The following NALF1 variants were observed in gnomAD, a reference collection of about 807,000 sequenced individuals.
NALF1 encodes NALCN channel auxiliary factor 1.
In NALF1, 3 loss-of-function variants were observed where a neutral mutation model predicts 48.4. That is an observed-to-expected ratio of 0.06 (90% CI 0.03 to 0.16). The LOEUF is 0.16. Among genes scored for constraint, NALF1 ranks in the 10% least tolerant of loss-of-function variants. NALF1 has a pLI of 1.00. For synonymous variants in NALF1, 262 were observed against 245.7 expected (o/e 1.07, Z -0.62); for missense variants, 526 against 571.5 (o/e 0.92, Z 0.81).
At chr13:107,285,574 A>C (rs892323769) in intron 1 of NALF1, among the ~76,000 whole-genome samples, 3 of 152,206 alleles carry the variant, frequency 2.0e-5, no homozygotes, top group Admixed American at 6.5e-5. Flanking sequence ...ATGAGTGCAA[A>C]CCATATATGT....
At chr13:107,361,249 A>C (rs1566495409) in intron 1 of NALF1, among the ~76,000 whole-genome samples, 1 of 152,192 alleles carries the variant, frequency 6.6e-6, no homozygotes, top group Non-Finnish European at 1.5e-5. Flanking sequence ...GGAAATGACT[A>C]TGGAAGGAAG....
At chr13:107,678,502 C>T (rs780897769) in intron 1 of NALF1, among the ~76,000 whole-genome samples, 14 of 152,180 alleles carry the variant, frequency 9.2e-5, no homozygotes, top group East Asian at 1.9e-4. Context: ...GGGACAAATC[C>T]GAATCTCTGT....
chr13:107,761,615 G>A (rs559174684), intron 1 of NALF1, among the ~76,000 whole-genome samples: 26 of 152,266 alleles, frequency 1.7e-4, no homozygotes, highest in Admixed American at 5.9e-4. Context: ...TAGGAATTAC[G>A]GTAATTCCAA....
At chr13:107,511,533 A>G (rs1875892138) in intron 1 of NALF1, among the ~76,000 whole-genome samples, 1 of 152,190 alleles carries the variant, frequency 6.6e-6, no homozygotes, top group Non-Finnish European at 1.5e-5. Context: ...ATAATATTTA[A>G]CAAGTCTGCT....
intron 1 of NALF1, among the ~76,000 whole-genome samples, chr13:107,823,175 G>T (rs1433206711): frequency 6.6e-6 from 1 of 152,156 alleles, no homozygotes; most frequent in African/African-American, 2.4e-5. Context: ...CTCCTCATTT[G>T]TCTGGCAAAC....
At chr13:107,587,043 C>T (rs766063318) in intron 1 of NALF1, among the ~76,000 whole-genome samples, 12 of 152,116 alleles carry the variant, frequency 7.9e-5, no homozygotes, top group Admixed American at 7.2e-4. Flanking sequence ...CCTTTACTCA[C>T]GAGTATCTGA....
chr13:107,231,278 A>C (rs1452755773), intron 1 of NALF1, among the ~76,000 whole-genome samples: 5 of 152,144 alleles, frequency 3.3e-5, no homozygotes, highest in African/African-American at 9.7e-5. Context: ...CTTTTAAATA[A>C]AAAACTTCGT....
intron 1 of NALF1, among the ~76,000 whole-genome samples, chr13:107,614,978 T>A (rs962856604): frequency 3.9e-5 from 6 of 152,046 alleles, no homozygotes; most frequent in African/African-American, 1.5e-4. Context: ...GGTTTCACCA[T>A]GTTGGCCAGG....
intron 1 of NALF1, among the ~76,000 whole-genome samples, chr13:107,754,378 CACACACACACACACACACA>C (rs1877029245): frequency 6.6e-6 from 1 of 151,442 alleles, no homozygotes; most frequent in South Asian, 2.1e-4. Flanking sequence ...CACACACACA[CACACACACACACACACACA>C]CCATATATGG....
intron 1 of NALF1, among the ~76,000 whole-genome samples, chr13:107,632,421 T>A (rs1186831370): frequency 6.6e-6 from 1 of 152,060 alleles, no homozygotes; most frequent in Non-Finnish European, 1.5e-5. Flanking sequence ...CTTTATAATT[T>A]TTTTCCTACT....
intron 1 of NALF1, among the ~76,000 whole-genome samples, chr13:107,309,197 A>T (rs905307259): frequency 1.3e-5 from 2 of 152,238 alleles, no homozygotes; most frequent in Non-Finnish European, 2.9e-5. Flanking sequence ...GGATGAATAA[A>T]CAATTCAACA....
In NALF1 at chr13:107,451,113, C is replaced by T. The variant is rs77513188; in HGVS notation, c.916-240358G>A. The stretch of plus-strand genomic sequence containing the variant: ...ACTGTGCTCCACTGAGTCGACCCCA[C>T]GTGTCCAGCAAAAGCCGGGTCAGAG... On this transcript the variant is annotated intron_variant, in intron 1 of 2. Transcript: ENST00000375915. 6.7e-3 allele frequency among the ~76,000 whole-genome samples: 1,022 copies of T among 152,264 alleles called. 34 individuals are homozygous for T. The East Asian group carries it at 0.1, about 15-fold the overall frequency.
At chr13:107,527,675 T>TG (rs1876490414) in intron 1 of NALF1, among the ~76,000 whole-genome samples, 1 of 152,028 alleles carries the variant, frequency 6.6e-6, no homozygotes, top group African/African-American at 2.4e-5. Context: ...AATTGAATCA[T>TG]GGGGGTGGTT....
chr13:107,619,623 A>T (rs1207301569), intron 1 of NALF1, among the ~76,000 whole-genome samples: 1 of 152,208 alleles, frequency 6.6e-6, no homozygotes, highest in East Asian at 1.9e-4. Flanking sequence ...TAAAGACTGT[A>T]AAAAGCATCA....
intron 1 of NALF1, among the ~76,000 whole-genome samples, chr13:107,586,524 G>A (rs565217436): frequency 1.3e-5 from 2 of 150,556 alleles, no homozygotes; most frequent in South Asian, 4.2e-4. Context: ...ATAAATCATT[G>A]TATTTATCTA....
At chr13:107,523,770 T>C (rs536844426) in intron 1 of NALF1, among the ~76,000 whole-genome samples, 7 of 152,178 alleles carry the variant, frequency 4.6e-5, no homozygotes, top group South Asian at 2.1e-4. Context: ...ATTATTTTGG[T>C]TTGAATTTTA....
At chr13:107,560,152 T>C (rs996733138) in intron 1 of NALF1, among the ~76,000 whole-genome samples, 5 of 152,200 alleles carry the variant, frequency 3.3e-5, no homozygotes, top group African/African-American at 1.2e-4. Flanking sequence ...GAAACGCCCG[T>C]AGAATTTTCA....
chr13:107,275,512 G>A (rs913757657), intron 1 of NALF1, among the ~76,000 whole-genome samples: 18 of 151,840 alleles, frequency 1.2e-4, no homozygotes, highest in East Asian at 1.9e-4. Context: ...CTATTATTGC[G>A]TAACAAATTA....
chr13:107,810,253 CTTT>C, intron 1 of NALF1, among the ~76,000 whole-genome samples: 1 of 152,210 alleles, frequency 6.6e-6, no homozygotes, highest in African/African-American at 2.4e-5. Context: ...AAATTTGACA[CTTT>C]TAAACAGTCA....
Sources: gnomAD v4.1 joint callset for allele counts (sites outside exome capture counted in the v4.1 genomes callset) on GRCh38, gnomAD v4.1.1 for gene constraint, MANE v1.5 for transcripts, NCBI Gene and HGNC (gene_info 2026-07-23, HGNC 2026-07-21) for gene names.